SHISAL2A: variants seen among roughly 807,000 people sequenced by gnomAD.
SHISAL2A encodes the protein protein shisa-like-2A.
Under a neutral mutation model 11.5 loss-of-function variants are expected in SHISAL2A, and 18 were observed. The ratio of observed to expected loss-of-function variants is 1.57; its 90% CI spans 1.08 to 2.33. The LOEUF (loss-of-function observed/expected upper bound fraction) is 2.33. SHISAL2A is among the 30% of genes most tolerant of loss of function. SHISAL2A has a pLI of 0.00. For synonymous variants in SHISAL2A, 94 were observed against 99.6 expected, an observed-to-expected ratio of 0.94 and a Z score of 0.34; for missense variants, 261 against 250.9, an observed-to-expected ratio of 1.04 and a Z score of -0.27.
chr1:52,633,121 C>T (rs1000683009), upstream of SHISAL2A, among the ~76,000 whole-genome samples: 3 of 152,196 alleles, frequency 2.0e-5, no homozygotes, highest in African/African-American at 7.2e-5. The surrounding 1 kb of genome is among the most constrained non-coding windows in gnomAD (Gnocchi z 6.4). Flanking sequence ...CCAGCGCCCT[C>T]GTGCAGGCAG....
chr1:52,663,683 C>T (rs1691951707), intron 4 of SHISAL2A, among the ~76,000 whole-genome samples: 1 of 152,120 alleles, frequency 6.6e-6, no homozygotes, highest in Admixed American at 6.6e-5. Flanking sequence ...ATCGCTTGAA[C>T]CTGGGAGGTG....
At chr1:52,666,173 T>A (rs1006008779) in intron 4 of SHISAL2A, among the ~76,000 whole-genome samples, 22 of 152,166 alleles carry the variant, frequency 1.4e-4, no homozygotes, top group African/African-American at 5.1e-4. Flanking sequence ...GTGTACCGGC[T>A]GGGAGCGGTG....
chr1:52,648,823 A>G (rs1191191277), intron 2 of SHISAL2A, among the ~76,000 whole-genome samples: 1 of 151,928 alleles, frequency 6.6e-6, no homozygotes. Flanking sequence ...CTGTGCTCCT[A>G]GTCTCACCCC....
intron 4 of SHISAL2A, among the ~76,000 whole-genome samples, chr1:52,663,420 T>C (rs923966713): frequency 6.6e-6 from 1 of 152,226 alleles, no homozygotes; most frequent in Non-Finnish European, 1.5e-5. Context: ...GTTTGCTTTT[T>C]TTCTTCTTTC....
downstream of SHISAL2A, among the ~76,000 whole-genome samples, chr1:52,659,030 G>T (rs893231497): frequency 3.1e-5 from 4 of 129,384 alleles, no homozygotes; most frequent in African/African-American, 9.6e-5. Flanking sequence ...GTTGGTGGTG[G>T]TGGTGGTGGT....
rs1170791810 is a variant in SHISAL2A at position 52,633,502 on chromosome 1, C to T, written c.9C>T (p.Gly3=). MS[G]ACTSYVSAEQ... ...GCTGGGCGCGGGGCGCGATGAGCGG[C>T]GCCTGCACGAGCTACGTGAGCGCAG... is the stretch of plus-strand genomic sequence containing the variant. The change falls in exon 1 of 3, where the codon GGC becomes GGT. Residue 3 remains glycine, a synonymous_variant. Coordinates refer to ENST00000517870, the MANE Select transcript of SHISAL2A (RefSeq NM_001042693.3). The surrounding 1 kb of genome is among the most constrained non-coding windows in gnomAD (Gnocchi z 6.4). 1 of 1,524,208 alleles carries T rather than the reference C, an allele frequency of 6.6e-7. No individual in the cohort carries two copies. The highest frequency in any genetic ancestry group is 8.8e-7 in the Non-Finnish European group (1 of 1,141,772). The allele number at this position is 1,524,208 out of a possible 1,614,324, so 94.4% of individuals were successfully genotyped here. A position where few individuals can be genotyped will look rare whatever the true frequency, so the allele number is the denominator to read the frequency against.
intron 4 of SHISAL2A, among the ~76,000 whole-genome samples, chr1:52,665,618 C>T (rs1351789296): frequency 6.6e-6 from 1 of 152,216 alleles, no homozygotes; most frequent in Non-Finnish European, 1.5e-5. Context: ...TTTGCCAACA[C>T]TGCAGGAACC....
intron 1 of SHISAL2A, among the ~76,000 whole-genome samples, chr1:52,638,294 C>G (rs1250963483): frequency 7.5e-6 from 1 of 132,770 alleles, no homozygotes; most frequent in African/African-American, 3.5e-5. Context: ...CAAAGGGCCT[C>G]TCTTAGAGGC....
chr1:52,646,663 A>T (rs531670368), intron 2 of SHISAL2A, among the ~76,000 whole-genome samples: 40 of 152,240 alleles, frequency 2.6e-4, no homozygotes, highest in African/African-American at 8.2e-4. Context: ...AGTAGCAAAA[A>T]ATTTGATTTA....
intron 5 of SHISAL2A, chr1:52,667,801 C>T (rs1692041131): frequency 6.6e-6 from 1 of 152,132 alleles, no homozygotes; most frequent in Non-Finnish European, 1.5e-5. Context: ...GATCCTAGCC[C>T]CTTTGCATCC....
At chr1:52,653,101 A>G (rs1691708310) in intron 2 of SHISAL2A, among the ~76,000 whole-genome samples, 2 of 151,072 alleles carry the variant, frequency 1.3e-5, no homozygotes, top group African/African-American at 4.9e-5. Context: ...CTAAAAACAC[A>G]ATAATACCAT....
intron 4 of SHISAL2A, among the ~76,000 whole-genome samples, chr1:52,666,384 G>A (rs533801666): frequency 2.0e-5 from 3 of 152,114 alleles, no homozygotes; most frequent in South Asian, 2.1e-4. Context: ...CCCAGGAGGC[G>A]GAGGTTGCAG....
intron 2 of SHISAL2A, among the ~76,000 whole-genome samples, chr1:52,646,492 T>TACACACACACACACACACAC (rs35929137): frequency 6.9e-6 from 1 of 145,254 alleles, no homozygotes; most frequent in Non-Finnish European, 1.5e-5. Flanking sequence ...TAAATATCTA[T>TACACACACACACACACACAC]ACACACACAC....
intron 2 of SHISAL2A, among the ~76,000 whole-genome samples, chr1:52,648,180 C>T (rs895295630): frequency 6.7e-6 from 1 of 149,460 alleles, no homozygotes; most frequent in Non-Finnish European, 1.5e-5. Flanking sequence ...TATATATATA[C>T]CCTGTTACTC....
In SHISAL2A at chr1:52,633,530, C is replaced by T. The variant is rs1691173486; in HGVS notation, c.37C>T (p.Gln13Ter). ...CTGCACGAGCTACGTGAGCGCAGAG[C>T]AGGAGGTGGTGCGCGGCTTCAGCTG... ...GACTSYVSAE[Q>*]EVVRGFSCPR... Residue 13 changes from glutamine (Q) to a stop codon, truncating the protein, a stop_gained, in exon 1 of 3, where the codon CAG (glutamine) becomes TAG (stop). Transcript: ENST00000517870. LOFTEE classifies it high-confidence loss of function. This position sits in a 1 kb window ranked among gnomAD's most constrained non-coding sequence, Gnocchi z 6.4. 1.9e-6 allele frequency: 3 copies of T among 1,600,292 alleles called. No homozygotes were observed. The highest frequency in any genetic ancestry group is 1.4e-5 in the African/African-American group (1 of 74,002).
chr1:52,661,658 AAGGCCACCCAG>A (rs2149894551), downstream of SHISAL2A, among the ~76,000 whole-genome samples: 1 of 152,296 alleles, frequency 6.6e-6, no homozygotes, highest in South Asian at 2.1e-4. Context: ...TCACAGGATC[AAGGCCACCCAG>A]AGCAGATGAC....
chr1:52,650,881 G>T (rs1438398962), intron 2 of SHISAL2A, among the ~76,000 whole-genome samples: 1 of 151,248 alleles, frequency 6.6e-6, no homozygotes, highest in Non-Finnish European at 1.5e-5. Flanking sequence ...CTGACCCCAG[G>T]TGATCCACCC....
downstream of SHISAL2A, among the ~76,000 whole-genome samples, chr1:52,657,461 A>T (rs1262844689): frequency 2.6e-5 from 4 of 152,140 alleles, no homozygotes; most frequent in Non-Finnish European, 5.9e-5. Context: ...TCCTGGAGTA[A>T]GCCCCTTGCA....
chr1:52,643,850 CAGAAAGAAAGAA>C (rs141726101), intron 2 of SHISAL2A, among the ~76,000 whole-genome samples: 1 of 135,086 alleles, frequency 7.4e-6, no homozygotes, highest in African/African-American at 2.8e-5. Flanking sequence ...GAGACTGTCT[CAGAAAGAAAGAA>C]AGAAAGAAAG....
Sources: allele counts gnomAD v4.1 joint callset (sites outside exome capture counted in the v4.1 genomes callset), GRCh38; gene constraint gnomAD v4.1.1; non-coding constraint Gnocchi (gnomAD v3.1); transcripts MANE v1.5; gene names NCBI Gene and HGNC (gene_info 2026-07-23, HGNC 2026-07-21).